CATSPERE: variants seen among roughly 807,000 people sequenced by gnomAD.
CATSPERE encodes cation channel sperm-associated auxiliary subunit epsilon.
In CATSPERE, 93 loss-of-function variants were observed where a neutral mutation model predicts 114.1. That is an observed-to-expected ratio of 0.81 (90% CI 0.69 to 0.97). The LOEUF (loss-of-function observed/expected upper bound fraction) is 0.97. Ranked by LOEUF, CATSPERE falls within the 50% of genes least tolerant of loss-of-function variation. The pLI, the probability that CATSPERE is intolerant of heterozygous loss-of-function variation, is 0.00. For missense variants in CATSPERE, 1,058 were observed against 1,131.6 expected (o/e 0.93, Z 0.93); for synonymous variants, 341 against 384.1 (o/e 0.89, Z 1.31).
At chr1:244,562,200 C>A (rs559759564) in intron 10 of CATSPERE, among the ~76,000 whole-genome samples, 1 of 144,748 alleles carries the variant, frequency 6.9e-6, no homozygotes, top group African/African-American at 2.5e-5. Flanking sequence ...TCCAGACTTT[C>A]AAACAAGCAA....
At chr1:244,466,389 A>G (rs1212235797) in intron 2 of CATSPERE, among the ~76,000 whole-genome samples, 2 of 152,100 alleles carry the variant, frequency 1.3e-5, no homozygotes, top group African/African-American at 4.8e-5. Context: ...CCCAAACACT[A>G]AGTAGCAGTG....
chr1:244,610,196 T>G (rs761115816), intron 18 of CATSPERE, 44 bp from the exon 19 acceptor site: 5 of 1,288,768 alleles, frequency 3.9e-6, no homozygotes, highest in East Asian at 2.4e-5. Flanking sequence ...TAAGTTGATA[T>G]GAAAACTTCT....
chr1:244,600,727 C>T (rs1572950294), intron 17 of CATSPERE, among the ~76,000 whole-genome samples: 2 of 151,732 alleles, frequency 1.3e-5, no homozygotes, highest in East Asian at 3.9e-4. Flanking sequence ...AGGATCCTCA[C>T]TGGAAAAGTC....
chr1:244,526,927 T>C (rs1678727707), intron 8 of CATSPERE, among the ~76,000 whole-genome samples: 1 of 152,066 alleles, frequency 6.6e-6, no homozygotes, highest in African/African-American at 2.4e-5. Context: ...CCAGCAGGTT[T>C]TTATTAGTGA....
upstream of CATSPERE, among the ~76,000 whole-genome samples, chr1:244,456,401 G>T (rs1666168492): frequency 1.3e-5 from 2 of 151,996 alleles, no homozygotes; most frequent in Admixed American, 1.3e-4. Flanking sequence ...TACAGGTGCT[G>T]AATCTTCTCT....
rs1467845471 is a variant in CATSPERE at position 244,573,669 on chromosome 1, C to T, written c.1950+897C>T. On this transcript the variant is annotated intron_variant, in intron 11 of 21. Coordinates refer to ENST00000366534, the MANE Select transcript of CATSPERE (RefSeq NM_001130957.2). This position sits in a 1 kb window ranked among gnomAD's most constrained non-coding sequence, Gnocchi z 4.0. The stretch of plus-strand genomic sequence containing the variant: ...AGACTAGACCTGGCTTCTTCTGTGG[C>T]AGTCTCAGGGCAGTGTTCCAAGACG... 6.6e-6 allele frequency among the ~76,000 whole-genome samples: 1 copy of T among 152,136 alleles called. No homozygotes were observed.
At chr1:244,451,769 C>A, upstream of CATSPERE, 2 of 1,600,054 alleles carry the variant, frequency 1.2e-6, no homozygotes, top group Admixed American at 1.7e-5. The surrounding 1 kb of genome is among the most constrained non-coding windows in gnomAD (Gnocchi z 6.6). Context: ...CGGCCGCAAT[C>A]GCCGTTGGGC....
Position 244,593,395 on chromosome 1 carries a change from G to A in CATSPERE, c.2190G>A (p.Lys730=). The stretch of plus-strand genomic sequence containing the variant: ...ATAATGAGGAATGTCTTTTTCACAG[G>A]TCATATCTGAGGCATCAGCCATCGA... ...HHHDFSYVIE[K]SYLRHQPSKN... Residue 730 remains lysine (K), a splice_region_variant and synonymous_variant, in exon 16 of 22, where the codon AAG becomes AAA. Transcript: ENST00000366534. The A allele has an allele frequency of 5.0e-6, 8 of 1,612,392 alleles. No individual in the cohort carries two copies. The highest frequency in any genetic ancestry group is 5.9e-6 in the Non-Finnish European group (7 of 1,179,884).
intron 2 of CATSPERE, among the ~76,000 whole-genome samples, chr1:244,474,668 A>G (rs1302077466): frequency 1.4e-5 from 2 of 148,108 alleles, no homozygotes; most frequent in East Asian, 2.0e-4. Context: ...TTCTGTGCCT[A>G]TCTTTCATAT....
chr1:244,548,911 A>G (rs1359399681), intron 8 of CATSPERE, among the ~76,000 whole-genome samples: 2 of 152,168 alleles, frequency 1.3e-5, no homozygotes, highest in Non-Finnish European at 2.9e-5. Context: ...GAGACCTATT[A>G]GCAAATTTGT....
chr1:244,637,890 A>T (rs1046530377), intron 21 of CATSPERE, among the ~76,000 whole-genome samples: 3 of 152,210 alleles, frequency 2.0e-5, no homozygotes, highest in African/African-American at 7.2e-5. Context: ...TCTATTCCAG[A>T]TTGCAAACAT....
chr1:244,565,785 A>G (rs890548267), intron 10 of CATSPERE, among the ~76,000 whole-genome samples: 5 of 152,170 alleles, frequency 3.3e-5, no homozygotes, highest in Non-Finnish European at 5.9e-5. Context: ...TCAAAAAACC[A>G]GCTCCTGGAT....
chr1:244,584,491 G>A (rs1046457349), intron 13 of CATSPERE, among the ~76,000 whole-genome samples: 15 of 151,606 alleles, frequency 9.9e-5, no homozygotes, highest in Non-Finnish European at 1.8e-4. Flanking sequence ...ATGGAGGGAT[G>A]AAATAGTATC....
chr1:244,552,206 T>C, intron 8 of CATSPERE, 116 bp from the exon 9 acceptor site: 1 of 1,292,726 alleles, frequency 7.7e-7, no homozygotes, highest in Non-Finnish European at 1.0e-6. Flanking sequence ...TTATTTGTCT[T>C]ATCCAGATTT....
chr1:244,614,029 T>A (rs1671067368), intron 19 of CATSPERE, among the ~76,000 whole-genome samples: 1 of 152,186 alleles, frequency 6.6e-6, no homozygotes, highest in Non-Finnish European at 1.5e-5. Flanking sequence ...CTGTGACACT[T>A]TGGGACCCTG....
intron 2 of CATSPERE, among the ~76,000 whole-genome samples, chr1:244,476,764 A>T (rs1669417619): frequency 6.6e-6 from 1 of 152,214 alleles, no homozygotes; most frequent in Non-Finnish European, 1.5e-5. Flanking sequence ...ATACTTCAGG[A>T]GGGGAAAGAA....
chr1:244,634,187 G>A (rs1321107976), intron 20 of CATSPERE, among the ~76,000 whole-genome samples: 1 of 152,028 alleles, frequency 6.6e-6, no homozygotes, highest in African/African-American at 2.4e-5. Flanking sequence ...ATAGTATCTT[G>A]TATTGTTGTT....
At chr1:244,480,360 C>T (rs1384400058) in intron 5 of CATSPERE, among the ~76,000 whole-genome samples, 1 of 152,160 alleles carries the variant, frequency 6.6e-6, no homozygotes, top group Non-Finnish European at 1.5e-5. Context: ...GTCTCGGCAA[C>T]ATCCCAGGCA....
At chr1:244,492,990 G>C (rs879786811) in intron 6 of CATSPERE, among the ~76,000 whole-genome samples, 15 of 151,388 alleles carry the variant, frequency 9.9e-5, no homozygotes, top group Non-Finnish European at 1.9e-4. Context: ...TGGGTAGGAA[G>C]AATCAATATC....
Sources: allele counts gnomAD v4.1 joint callset (sites outside exome capture counted in the v4.1 genomes callset), GRCh38; gene constraint gnomAD v4.1.1; non-coding constraint Gnocchi (gnomAD v3.1); transcripts MANE v1.5; gene names NCBI Gene and HGNC (gene_info 2026-07-23, HGNC 2026-07-21).